The following MAPK8 variants were observed in gnomAD, a reference collection of about 807,000 sequenced individuals.
MAPK8 encodes the protein JUN N-terminal kinase.
A neutral mutation model predicts 52.9 loss-of-function variants in MAPK8; 13 were observed. That is an observed-to-expected ratio of 0.25 (90% CI 0.16 to 0.39). MAPK8 has a LOEUF of 0.39. MAPK8 is among the 10% of genes least tolerant of loss of function. The probability of loss-of-function intolerance (pLI) is 1.00; values close to 1 mark genes in which losing one functional copy is unlikely to be tolerated. For missense variants in MAPK8, 300 were observed against 519.2 expected (o/e 0.58, Z 4.10); for synonymous variants, 191 against 169.8 (o/e 1.12, Z -0.97).
intron 5 of MAPK8, chr10:48,410,466 C>T (rs181748488): frequency 1.2e-5 from 3 of 248,764 alleles, no homozygotes; most frequent in African/African-American, 2.2e-5. Flanking sequence ...CCATGTTTAC[C>T]GTGTATCAAT....
At chr10:48,332,754 T>C (rs1295903908) in intron 1 of MAPK8, among the ~76,000 whole-genome samples, 1 of 152,198 alleles carries the variant, frequency 6.6e-6, no homozygotes, top group African/African-American at 2.4e-5. Flanking sequence ...AAAACCTGTT[T>C]GGCCAGTTCC....
At chr10:48,311,999 AT>A (rs1842025809) in intron 1 of MAPK8, among the ~76,000 whole-genome samples, 1 of 152,212 alleles carries the variant, frequency 6.6e-6, no homozygotes, top group African/African-American at 2.4e-5. Flanking sequence ...GAAGATAAGG[AT>A]TAACGTAAGC....
At chr10:48,424,736 CT>C in intron 7 of MAPK8, 1 of 470,916 alleles carries the variant, frequency 2.1e-6, no homozygotes, top group Non-Finnish European at 3.8e-6. Flanking sequence ...TAGACTTTTC[CT>C]TCCGTTATTT....
intron 1 of MAPK8, among the ~76,000 whole-genome samples, chr10:48,330,054 T>C (rs551104969): frequency 1.9e-4 from 29 of 152,242 alleles, no homozygotes; most frequent in Non-Finnish European, 4.0e-4. Flanking sequence ...TGTGCACATG[T>C]GAGAGAGATT....
intron 1 of MAPK8, among the ~76,000 whole-genome samples, chr10:48,323,367 A>C (rs188732862): frequency 5.1e-4 from 77 of 152,324 alleles, no homozygotes; most frequent in African/African-American, 1.8e-3. Context: ...TGTTGAATAA[A>C]ATTTTTAAAT....
At chr10:48,375,399 G>T (rs1434454763) in intron 1 of MAPK8, among the ~76,000 whole-genome samples, 1 of 152,110 alleles carries the variant, frequency 6.6e-6, no homozygotes, top group African/African-American at 2.4e-5. Flanking sequence ...GGGCAATCAG[G>T]CAAGAGAAAG....
At chr10:48,380,039 C>T (rs139269502) in intron 1 of MAPK8, among the ~76,000 whole-genome samples, 40 of 150,172 alleles carry the variant, frequency 2.7e-4, no homozygotes, top group African/African-American at 8.8e-4. Context: ...GTCAGTAGTT[C>T]GAGACCAGCC....
intron 1 of MAPK8, among the ~76,000 whole-genome samples, chr10:48,372,749 C>T (rs559512249): frequency 2.6e-5 from 4 of 151,698 alleles, no homozygotes; most frequent in Non-Finnish European, 5.9e-5. Context: ...ACCAAATCTA[C>T]GTTTGATTGG....
chr10:48,409,906 C>T lies in MAPK8; in HGVS notation c.280C>T (p.Pro94Ser). 3 of 1,611,040 alleles carry T rather than the reference C, an allele frequency of 1.9e-6. No individual in the cohort carries two copies. The highest frequency in any genetic ancestry group is 2.2e-5 in the East Asian group (1 of 44,786). ...AATTGGCCTTTTGAATGTTTTCACA[C>T]CACAGAAATCCCTAGAAGAATTTCA... Reference protein sequence around the residue: ...NIIGLLNVFTPQKSLEEFQDV... With the variant: ...NIIGLLNVFTSQKSLEEFQDV... Residue 94 changes from proline (P) to serine (S), a missense_variant, in exon 4 of 12, where the codon CCA becomes TCA. Pro to Ser is a moderately conservative substitution (Grantham distance 74). This residue lies in a region of MAPK8 where 147 missense variants were observed against 328.1 expected (regional missense o/e 0.45). Coordinates refer to ENST00000374189, the MANE Select transcript of MAPK8 (RefSeq NM_001323329.2).
intron 1 of MAPK8, among the ~76,000 whole-genome samples, chr10:48,351,290 T>TTTG (rs1554818154): frequency 6.7e-6 from 1 of 150,250 alleles, no homozygotes; most frequent in African/African-American, 2.5e-5. Context: ...TTTTTTTTTT[T>TTTG]GAGACAGAGT....
intron 11 of MAPK8, among the ~76,000 whole-genome samples, chr10:48,434,053 T>C (rs1212522085): frequency 6.6e-6 from 1 of 152,212 alleles, no homozygotes; most frequent in Non-Finnish European, 1.5e-5. Context: ...AAGTCATTCC[T>C]GTCCCCTTCC....
Position 48,370,321 on chromosome 10 carries a change from A to AT in MAPK8, c.-49-31281dup, listed in dbSNP as rs560902141. ...AGAAATTAGACTAGTGCAACTTGGG[A>AT]TTTTTTTTTTCACTAGCTTAATTAG... is the stretch of plus-strand genomic sequence containing the variant. On this transcript the variant is annotated intron_variant, in intron 1 of 11. Transcript: ENST00000374189. 3.1e-3 allele frequency among the ~76,000 whole-genome samples: 464 copies of AT among 150,744 alleles called. 3 individuals carry two copies. The highest frequency in any genetic ancestry group is 0.011 in the South Asian group (50 of 4,742).
intron 1 of MAPK8, among the ~76,000 whole-genome samples, chr10:48,380,229 G>T (rs1028750707): frequency 1.3e-5 from 2 of 152,030 alleles, no homozygotes; most frequent in African/African-American, 4.8e-5. Context: ...GCAACAGAGC[G>T]AGACTCCGTC....
At chr10:48,335,631 C>T (rs1844612182) in intron 1 of MAPK8, among the ~76,000 whole-genome samples, 1 of 152,112 alleles carries the variant, frequency 6.6e-6, no homozygotes, top group African/African-American at 2.4e-5. Context: ...CTTCCACATA[C>T]CCTAGCCCAA....
intron 1 of MAPK8, among the ~76,000 whole-genome samples, chr10:48,344,050 C>G (rs1164295581): frequency 1.3e-5 from 2 of 152,120 alleles, no homozygotes; most frequent in Non-Finnish European, 2.9e-5. Flanking sequence ...TTTGGTGTAC[C>G]TCCACTCTGT....
At chr10:48,401,907 A>G in intron 2 of MAPK8, 125 bp downstream of exon 2, 1 of 712,242 alleles carries the variant, frequency 1.4e-6, no homozygotes, top group Non-Finnish European at 2.1e-6. Flanking sequence ...CTAAAAATTA[A>G]ACGAAAACTA....
At chr10:48,341,849 T>G (rs569956804) in intron 1 of MAPK8, among the ~76,000 whole-genome samples, 6 of 152,262 alleles carry the variant, frequency 3.9e-5, no homozygotes, top group Admixed American at 3.3e-4. Context: ...ATTTGATACT[T>G]GAAGGATGAG....
Position 48,435,190 on chromosome 10 carries a change from T to A in MAPK8, c.*161T>A. 1 of 540,878 alleles carries A rather than the reference T, an allele frequency of 1.8e-6. No homozygotes were observed. The highest frequency in any genetic ancestry group is 3.1e-6 in the Non-Finnish European group (1 of 324,604). The allele number at this position is 540,878 out of a possible 1,614,324, so 33.5% of individuals were successfully genotyped here. A position where few individuals can be genotyped will look rare whatever the true frequency, so the allele number is the denominator to read the frequency against. On this transcript the variant is annotated 3_prime_UTR_variant, in exon 12 of 12. Transcript: ENST00000374189. ...TTATTTTTTTTAATTTCAAGTGATGTAATTTAAAACCTAAGTTGTGTTTCA... is the reference window on the plus strand; with the variant it reads ...TTATTTTTTTTAATTTCAAGTGATGAAATTTAAAACCTAAGTTGTGTTTCA...
intron 1 of MAPK8, among the ~76,000 whole-genome samples, chr10:48,330,371 T>C (rs1241981563): frequency 6.6e-6 from 1 of 152,228 alleles, no homozygotes; most frequent in African/African-American, 2.4e-5. Context: ...CATATAATAC[T>C]AGAAGTGTTA....
Sources: gnomAD v4.1 joint callset for allele counts (sites outside exome capture counted in the v4.1 genomes callset) on GRCh38, gnomAD v4.1.1 for gene constraint, gnomAD v4.1.1 regional missense constraint, MANE v1.5 for transcripts, NCBI Gene and HGNC (gene_info 2026-07-23, HGNC 2026-07-21) for gene names.